Variants in KCTD16 observed in about 807,000 individuals in gnomAD.
KCTD16 encodes BTB/POZ domain-containing protein KCTD16.
A neutral mutation model predicts 33.2 loss-of-function variants in KCTD16; 13 were observed. The ratio of observed to expected loss-of-function variants is 0.39; its 90% confidence interval spans 0.25 to 0.62. KCTD16 has a LOEUF of 0.62. Ranked by LOEUF, KCTD16 falls within the 20% of genes least tolerant of loss-of-function variation. The probability of loss-of-function intolerance (pLI) is 0.50; values close to 1 mark genes in which losing one functional copy is unlikely to be tolerated. For missense variants in KCTD16, 441 were observed against 525.1 expected, an observed-to-expected ratio of 0.84 and a Z score of 1.57; for synonymous variants, 197 against 195.3, an observed-to-expected ratio of 1.01 and a Z score of -0.07.
chr5:144,175,880 T>C (rs1010668034), intron 2 of KCTD16, among the ~76,000 whole-genome samples: 1 of 152,144 alleles, frequency 6.6e-6, no homozygotes, highest in Non-Finnish European at 1.5e-5. Context: ...TCAGGAAAAA[T>C]TGTCTTTTTA....
At chr5:144,181,797 T>C (rs1752630366) in intron 2 of KCTD16, among the ~76,000 whole-genome samples, 2 of 152,046 alleles carry the variant, frequency 1.3e-5, no homozygotes, top group Non-Finnish European at 2.9e-5. Context: ...GGTGAGGCCT[T>C]TAAGAGGTGA....
chr5:144,254,064 G>A (rs1445290437), intron 3 of KCTD16, among the ~76,000 whole-genome samples: 1 of 152,132 alleles, frequency 6.6e-6, no homozygotes, highest in Non-Finnish European at 1.5e-5. Flanking sequence ...CTCCTGACCC[G>A]TGTATCTAAG....
At chr5:144,260,560 A>G (rs2126838694) in intron 3 of KCTD16, among the ~76,000 whole-genome samples, 1 of 152,298 alleles carries the variant, frequency 6.6e-6, no homozygotes, top group South Asian at 2.1e-4. Context: ...AGGCAAATAA[A>G]TCCTTCCTAT....
At chr5:144,293,913 A>G (rs557010971) in intron 3 of KCTD16, among the ~76,000 whole-genome samples, 1 of 152,198 alleles carries the variant, frequency 6.6e-6, no homozygotes, top group Non-Finnish European at 1.5e-5. Flanking sequence ...TAATCCCAGC[A>G]CTTTGGGAGG....
intron 3 of KCTD16, among the ~76,000 whole-genome samples, chr5:144,313,736 T>G (rs990768134): frequency 6.6e-6 from 1 of 152,160 alleles, no homozygotes; most frequent in Non-Finnish European, 1.5e-5. Flanking sequence ...GGGATAAAAT[T>G]TATATACATG....
chr5:144,389,082 G>C (rs1752394692), intron 3 of KCTD16, among the ~76,000 whole-genome samples: 1 of 152,162 alleles, frequency 6.6e-6, no homozygotes, highest in Admixed American at 6.5e-5. Flanking sequence ...CATCAGATAA[G>C]CTCCCTGTAT....
Position 144,474,310 on chromosome 5 carries a change from A to G in KCTD16, c.*196A>G, listed in dbSNP as rs905254506. On this transcript the variant is annotated 3_prime_UTR_variant, in exon 4 of 4. Transcript: ENST00000512467. ...ATCCACAGGGTAGATTTCTTTCTAG[A>G]TGTGGAAGTACAAGAAAATCTTTTT... 4.2e-5 allele frequency: 23 copies of G among 543,018 alleles called. No homozygotes were observed. The highest frequency in any genetic ancestry group is 6.1e-5 in the Non-Finnish European group (19 of 310,116). 33.6% of individuals were successfully genotyped at this position (543,018 alleles called of 1,614,324 possible).
intron 3 of KCTD16, among the ~76,000 whole-genome samples, chr5:144,400,576 G>A (rs955088617): frequency 5.9e-5 from 9 of 152,016 alleles, no homozygotes; most frequent in African/African-American, 1.4e-4. Flanking sequence ...CATGTGGAAG[G>A]GACCTTAGAA....
At chr5:144,329,256 T>C (rs1208584039) in intron 3 of KCTD16, among the ~76,000 whole-genome samples, 1 of 152,180 alleles carries the variant, frequency 6.6e-6, no homozygotes, top group Non-Finnish European at 1.5e-5. Context: ...CTTTAATTTT[T>C]ATTTGCTTGG....
intron 3 of KCTD16, among the ~76,000 whole-genome samples, chr5:144,208,480 A>T (rs910497722): frequency 2.0e-5 from 3 of 152,220 alleles, no homozygotes; most frequent in African/African-American, 7.2e-5. Context: ...ACTCTTTGGT[A>T]CTTGATTTTA....
intron 3 of KCTD16, among the ~76,000 whole-genome samples, chr5:144,245,598 C>A (rs2126825688): frequency 6.6e-6 from 1 of 152,176 alleles, no homozygotes; most frequent in Non-Finnish European, 1.5e-5. Context: ...ATCTCATGTT[C>A]AACTGTAATC....
At chr5:144,231,093 G>C (rs1754087471) in intron 3 of KCTD16, among the ~76,000 whole-genome samples, 1 of 152,182 alleles carries the variant, frequency 6.6e-6, no homozygotes, top group South Asian at 2.1e-4. Context: ...TAGACACCTA[G>C]TAACCACAGA....
chr5:144,301,133 C>T (rs543823453), intron 3 of KCTD16, among the ~76,000 whole-genome samples: 9 of 150,270 alleles, frequency 6.0e-5, no homozygotes, highest in African/African-American at 1.5e-4. Flanking sequence ...CCCAGCTACT[C>T]GGGAAGCTGA....
intron 3 of KCTD16, among the ~76,000 whole-genome samples, chr5:144,424,791 GTCATTAA>G (rs1753287341): frequency 6.6e-6 from 1 of 151,996 alleles, no homozygotes; most frequent in South Asian, 2.1e-4. Context: ...CCACAATAAA[GTCATTAA>G]TCCATTCATG....
intron 3 of KCTD16, among the ~76,000 whole-genome samples, chr5:144,336,228 T>C (rs1308454440): frequency 6.6e-6 from 1 of 152,198 alleles, no homozygotes; most frequent in Non-Finnish European, 1.5e-5. Flanking sequence ...GGGATGCCAA[T>C]AGGGCAAGTT....
intron 3 of KCTD16, among the ~76,000 whole-genome samples, chr5:144,334,470 CT>C (rs1466355891): frequency 1.6e-4 from 25 of 152,132 alleles, no homozygotes; most frequent in African/African-American, 5.8e-4. Flanking sequence ...GTATACAATT[CT>C]AAACCAGTGA....
intron 3 of KCTD16, among the ~76,000 whole-genome samples, chr5:144,346,726 A>T (rs1407788110): frequency 6.6e-6 from 1 of 152,160 alleles, no homozygotes; most frequent in Non-Finnish European, 1.5e-5. Flanking sequence ...CTATAGAGTT[A>T]TTTGAGCTCC....
At chr5:144,316,508 C>CTTTT (rs398050808) in intron 3 of KCTD16, among the ~76,000 whole-genome samples, 6 of 119,956 alleles carry the variant, frequency 5.0e-5, no homozygotes, top group Non-Finnish European at 8.5e-5. Flanking sequence ...TGTTTTTTGT[C>CTTTT]TTTTTTTTTT....
chr5:144,240,496 A>G (rs1754373996), intron 3 of KCTD16, among the ~76,000 whole-genome samples: 2 of 152,162 alleles, frequency 1.3e-5, no homozygotes, highest in Non-Finnish European at 2.9e-5. Flanking sequence ...TCTTTTGTTA[A>G]TATTTTGTAC....
Sources: gnomAD v4.1 joint callset for allele counts (sites outside exome capture counted in the v4.1 genomes callset) on GRCh38, gnomAD v4.1.1 for gene constraint, MANE v1.5 for transcripts, NCBI Gene and HGNC (gene_info 2026-07-23, HGNC 2026-07-21) for gene names.